The following VPS13C variants were observed in gnomAD, a reference collection of about 807,000 sequenced individuals.
The protein encoded by VPS13C is vacuolar protein sorting 13 homolog C, also known as intermembrane lipid transfer protein VPS13C.
VPS13C carries 358 observed loss-of-function variants against 456.8 expected under a neutral mutation model. The ratio of observed to expected loss-of-function variants is 0.78; its 90% CI spans 0.72 to 0.86. The LOEUF (loss-of-function observed/expected upper bound fraction) is 0.86, where lower values mean the gene tolerates loss of function less well. Ranked by LOEUF, VPS13C falls within the 40% of genes least tolerant of loss-of-function variation. VPS13C has a pLI of 0.00. For synonymous variants in VPS13C, 1,578 were observed against 1,486.7 expected (o/e 1.06, Z -1.41); for missense variants, 4,818 against 4,385.4 (o/e 1.10, Z -2.79).
chr15:61,877,977 T>C (rs1895577499), intron 74 of VPS13C, among the ~76,000 whole-genome samples: 1 of 149,030 alleles, frequency 6.7e-6, no homozygotes, highest in Admixed American at 6.8e-5. Context: ...TGTTTTTTAA[T>C]TATTTTCATT....
intron 1 of VPS13C, among the ~76,000 whole-genome samples, chr15:62,057,423 T>C (rs906421909): frequency 6.6e-6 from 1 of 152,118 alleles, no homozygotes; most frequent in African/African-American, 2.4e-5. Context: ...ACAGGAAAAA[T>C]CAACTCAGAT....
chr15:61,919,292 T>C lies in VPS13C; in HGVS notation c.7635A>G (p.Leu2545=). 1 of 1,594,018 alleles carries C rather than the reference T, an allele frequency of 6.3e-7. No individual in the cohort carries two copies. Among genetic ancestry groups the C allele is most frequent in the Non-Finnish European group, 8.5e-7 (1 of 1,171,740 alleles). The part of the protein sequence containing the change: ...GNKVITLRSP[L]QIKNHFSIAF... Reference sequence around the variant, plus strand: ...ACAATTAACTTTGAAGTATTACCTGTAGAGGAGAGCGAAGGGTAATTACTT... The same window carrying C: ...ACAATTAACTTTGAAGTATTACCTGCAGAGGAGAGCGAAGGGTAATTACTT... The change falls in exon 58 of 85, where the codon CTA becomes CTG. Residue 2545 remains leucine, a synonymous_variant. Transcript: ENST00000644861.
rs1353003086 is a variant in VPS13C at position 62,049,896 on chromosome 15, C to G, written c.101-5641G>C. ...ATGGGAGTTCACTCATGATTTGGCT[C>G]TCTGTTTGTCTGTTATTGGTATATA... On this transcript the variant is annotated intron_variant, in intron 1 of 84. Coordinates refer to ENST00000644861, the MANE Select transcript of VPS13C (RefSeq NM_020821.3). 2.0e-5 allele frequency among the ~76,000 whole-genome samples: 3 copies of G among 151,818 alleles called. 1 individual carries two copies. The highest frequency in any genetic ancestry group is 4.4e-5 in the Non-Finnish European group (3 of 68,032).
In VPS13C at chr15:61,919,270, A is replaced by G. The variant is rs371806222; in HGVS notation, c.7638+19T>C. 1.3e-6 allele frequency: 2 copies of G among 1,577,756 alleles called. No homozygotes were observed. The highest frequency in any genetic ancestry group is 2.4e-5 in the East Asian group (1 of 42,138). On this transcript the variant is annotated intron_variant, in intron 58 of 84. Coordinates refer to ENST00000644861, the MANE Select transcript of VPS13C (RefSeq NM_020821.3). ...TTCTTGGTACACTGAAAGGGATACA[A>G]TTAACTTTGAAGTATTACCTGTAGA...
In VPS13C at chr15:61,853,657, T is replaced by TGGTTTACCA. The variant is rs1417258956; in HGVS notation, c.*791_*799dup. 6.6e-6 allele frequency: 1 copy of TGGTTTACCA among 152,226 alleles called. No individual in the cohort carries two copies. Among genetic ancestry groups the TGGTTTACCA allele is most frequent in the Non-Finnish European group, 1.5e-5 (1 of 68,040 alleles). The allele number at this position is 152,226 out of a possible 1,614,324, so 9.4% of individuals were successfully genotyped here. The stretch of plus-strand genomic sequence containing the variant: ...AGTGACCTTTCTTCATTCAATTACC[T>TGGTTTACCA]GGTTTACCAAGAATGTTAACTCAGT... On this transcript the variant is annotated 3_prime_UTR_variant, in exon 85 of 85. Coordinates refer to ENST00000644861, the MANE Select transcript of VPS13C (RefSeq NM_020821.3).
chr15:61,919,188 G>T, intron 58 of VPS13C, 101 bp downstream of exon 58: 2 of 1,177,004 alleles, frequency 1.7e-6, no homozygotes, highest in Non-Finnish European at 2.4e-6. Context: ...TGAATAATCA[G>T]AATTGACCTG....
At chr15:62,054,224 T>C (rs1042558254) in intron 1 of VPS13C, among the ~76,000 whole-genome samples, 1 of 152,146 alleles carries the variant, frequency 6.6e-6, no homozygotes, top group Non-Finnish European at 1.5e-5. Context: ...TACCAGTTTG[T>C]GGGGAACAAA....
rs901484036 is a variant in VPS13C at position 61,860,958 on chromosome 15, T to C, written c.10952+2482A>G. ...TATGGTTAGTTATTTTCTTTCTTTT[T>C]TTTTTTTTTTTTTTTTTTTTTGAGA... is the stretch of plus-strand genomic sequence containing the variant. On this transcript the variant is annotated intron_variant, in intron 82 of 84. Coordinates refer to ENST00000644861, the MANE Select transcript of VPS13C (RefSeq NM_020821.3). Among the ~76,000 whole-genome samples, 12 of 138,090 alleles carry C rather than the reference T, an allele frequency of 8.7e-5. No individual in the cohort carries two copies. The South Asian group carries it at 1.2e-3, about 14-fold the overall frequency. The allele number at this position is 138,090 out of a possible 152,430, so 90.6% of individuals were successfully genotyped here.
At chr15:61,958,738 A>C in intron 36 of VPS13C, 22 bp from the exon 37 acceptor site, 1 of 1,277,822 alleles carries the variant, frequency 7.8e-7, no homozygotes, top group Non-Finnish European at 1.1e-6. Flanking sequence ...TATGTTAAAA[A>C]AAAAACTATA....
chr15:62,012,235 C>T, intron 11 of VPS13C, 71 bp from the exon 12 acceptor site: 2 of 679,682 alleles, frequency 2.9e-6, no homozygotes, highest in Non-Finnish European at 5.0e-6. Context: ...CACACACACA[C>T]ACACACACAC....
At chr15:62,000,492 T>C (rs2046571710) in intron 16 of VPS13C, 72 bp downstream of exon 16, 1 of 1,422,598 alleles carries the variant, frequency 7.0e-7, no homozygotes, top group African/African-American at 1.5e-5. Context: ...GAAACTTCAA[T>C]TTCTTGATCC....
At chr15:62,056,554 T>C (rs1567157380) in intron 1 of VPS13C, among the ~76,000 whole-genome samples, 2 of 152,216 alleles carry the variant, frequency 1.3e-5, no homozygotes, top group African/African-American at 4.8e-5. Context: ...ACCCGCGACT[T>C]AGCAGACCAG....
chr15:62,049,032 A>C (rs1417061059), intron 1 of VPS13C, among the ~76,000 whole-genome samples: 21 of 149,820 alleles, frequency 1.4e-4, no homozygotes, highest in African/African-American at 3.7e-4. Context: ...GGTTGCGAAA[A>C]TTTTCTCCCA....
chr15:62,048,931 C>T (rs1455504457), intron 1 of VPS13C, among the ~76,000 whole-genome samples: 3 of 151,946 alleles, frequency 2.0e-5, no homozygotes, highest in East Asian at 1.9e-4. Context: ...ATATCCTTTG[C>T]CCACTTTTTG....
chr15:62,059,094 T>C (rs753318295), intron 1 of VPS13C, among the ~76,000 whole-genome samples: 4 of 152,232 alleles, frequency 2.6e-5, no homozygotes, highest in African/African-American at 7.2e-5. Context: ...TTTAATATTA[T>C]ATTTAATTTA....
At chr15:62,045,254 A>T (rs1423076896) in intron 1 of VPS13C, among the ~76,000 whole-genome samples, 1 of 143,888 alleles carries the variant, frequency 6.9e-6, no homozygotes, top group Non-Finnish European at 1.5e-5. Flanking sequence ...ACTGTGCAAA[A>T]GTAACTGCAG....
intron 18 of VPS13C, among the ~76,000 whole-genome samples, chr15:61,986,146 G>C (rs1233332844): frequency 1.3e-5 from 2 of 148,800 alleles, no homozygotes; most frequent in African/African-American, 2.5e-5. Flanking sequence ...CACACACACA[G>C]ACAGGCTCAC....
At chr15:62,019,225 T>C (rs781322367) in intron 9 of VPS13C, among the ~76,000 whole-genome samples, 9 of 152,214 alleles carry the variant, frequency 5.9e-5, no homozygotes, top group Middle Eastern at 6.8e-3. Flanking sequence ...TTTGTTGATC[T>C]TTTCAAAAAA....
chr15:61,875,116 T>A (rs1787837752), intron 76 of VPS13C, among the ~76,000 whole-genome samples, 165 bp from the exon 77 acceptor site: 1 of 152,110 alleles, frequency 6.6e-6, no homozygotes, highest in African/African-American at 2.4e-5. Flanking sequence ...GAATATCTAT[T>A]GTGTTTGAAG....
Sources: allele counts gnomAD v4.1 joint callset (sites outside exome capture counted in the v4.1 genomes callset), GRCh38; gene constraint gnomAD v4.1.1; transcripts MANE v1.5; gene names NCBI Gene and HGNC (gene_info 2026-07-23, HGNC 2026-07-21).